The following SNIP1 variants were observed in gnomAD, a reference collection of about 807,000 sequenced individuals.
The protein encoded by SNIP1 is Smad nuclear interacting protein 1, also known as smad nuclear-interacting protein 1.
In SNIP1, 23 loss-of-function variants were observed where a neutral mutation model predicts 37.4. The ratio of observed to expected loss-of-function variants is 0.61; its 90% CI spans 0.44 to 0.87. SNIP1 has a LOEUF of 0.87. Among genes scored for constraint, SNIP1 ranks in the 40% least tolerant of loss-of-function variants. The pLI, the probability that SNIP1 is intolerant of heterozygous loss-of-function variation, is 0.00. For missense variants in SNIP1, 459 were observed against 540.4 expected (o/e 0.85, Z 1.49); for synonymous variants, 174 against 200.0 (o/e 0.87, Z 1.10).
chr1:37,540,114 T>C lies in SNIP1; in HGVS notation c.926+43A>G, dbSNP rs971848466. 2.5e-5 allele frequency: 38 copies of C among 1,490,872 alleles called. No individual in the cohort carries two copies. Among genetic ancestry groups the C allele is most frequent in the Non-Finnish European group, 3.3e-5 (36 of 1,103,366 alleles). The allele number at this position is 1,490,872 out of a possible 1,614,324, so 92.4% of individuals were successfully genotyped here. A position where few individuals can be genotyped will look rare whatever the true frequency, so the allele number is the denominator to read the frequency against. On this transcript the variant is annotated intron_variant, in intron 3 of 3. Coordinates refer to ENST00000296215, the MANE Select transcript of SNIP1 (RefSeq NM_024700.4). The surrounding 1 kb of genome is among the most constrained non-coding windows in gnomAD (Gnocchi z 5.6). ...AATCTTAGTAATCCTAACTGAGTGA[T>C]TGTTTCTGCTCACATTACAGTTTCT...
In SNIP1 at chr1:37,537,353, C is replaced by T. The variant is rs1253311750; in HGVS notation, c.*395G>A. 1.2e-5 allele frequency: 2 copies of T among 168,672 alleles called. No individual in the cohort carries two copies. Among genetic ancestry groups the T allele is most frequent in the Non-Finnish European group, 2.6e-5 (2 of 78,116 alleles). The allele number at this position is 168,672 out of a possible 1,614,324, so 10.4% of individuals were successfully genotyped here. ...AAAGAAAAACACCTGGTCCACAAAG[C>T]TTAACACCTATATAAATAAAGTAAC... is the stretch of plus-strand genomic sequence containing the variant. On this transcript the variant is annotated 3_prime_UTR_variant, in exon 4 of 4. Coordinates refer to ENST00000296215, the MANE Select transcript of SNIP1 (RefSeq NM_024700.4).
chr1:37,539,914 C>A (rs760603617), intron 3 of SNIP1, among the ~76,000 whole-genome samples: 27 of 152,116 alleles, frequency 1.8e-4, no homozygotes, highest in Non-Finnish European at 1.9e-4. Context: ...GTTTGCTCCA[C>A]TGCACTCTAG....
intron 2 of SNIP1, among the ~76,000 whole-genome samples, chr1:37,544,502 A>G (rs1189963742): frequency 6.6e-6 from 1 of 151,914 alleles, no homozygotes; most frequent in Admixed American, 6.5e-5. Flanking sequence ...GTAGATCCCC[A>G]AGGACTTCAT....
rs1570018507 is a variant in SNIP1 at position 37,540,110 on chromosome 1, GTGAT to G, written c.926+43_926+46del. 1 of 1,479,252 alleles carries G rather than the reference GTGAT, an allele frequency of 6.8e-7. No homozygotes were observed. Among genetic ancestry groups the G allele is most frequent in the South Asian group, 1.3e-5 (1 of 75,740 alleles). 91.6% of individuals were successfully genotyped at this position (1,479,252 alleles called of 1,614,324 possible). On this transcript the variant is annotated intron_variant, in intron 3 of 3. Coordinates refer to ENST00000296215, the MANE Select transcript of SNIP1 (RefSeq NM_024700.4). The surrounding 1 kb of genome is among the most constrained non-coding windows in gnomAD (Gnocchi z 5.6). Reference sequence around the variant, plus strand: ...CAAAAATCTTAGTAATCCTAACTGAGTGATTGTTTCTGCTCACATTACAGTTTCT... The same window carrying G: ...CAAAAATCTTAGTAATCCTAACTGAGTGTTTCTGCTCACATTACAGTTTCT...
At chr1:37,552,586 T>C (rs1643313075) in intron 2 of SNIP1, 59 bp downstream of exon 2, 1 of 1,354,716 alleles carries the variant, frequency 7.4e-7, no homozygotes, top group East Asian at 2.3e-5. Flanking sequence ...CATTCCTCTT[T>C]AGCTGTGATA....
At chr1:37,546,602 A>G (rs1020653728) in intron 2 of SNIP1, among the ~76,000 whole-genome samples, 1 of 152,166 alleles carries the variant, frequency 6.6e-6, no homozygotes, top group Non-Finnish European at 1.5e-5. Context: ...TGAACGCCAG[A>G]AGTGGAGGTT....
Position 37,554,032 on chromosome 1 carries a change from G to A in SNIP1, c.198C>T (p.Arg66=), listed in dbSNP as rs766297336. Residue 66 remains arginine (R), a synonymous_variant, in exon 1 of 4, where the codon CGC becomes CGT. Transcript: ENST00000296215. ...GGCTAACTCCTCGGGCTCGGTTCCCGCGGTGGCCCGAGCGGGCCGGCTCGC... is the reference window on the plus strand; with the variant it reads ...GGCTAACTCCTCGGGCTCGGTTCCCACGGTGGCCCGAGCGGGCCGGCTCGC... ...PTSEPARSGH[R]GNRARGVSRS... 19 of 1,577,416 alleles carry A rather than the reference G, an allele frequency of 1.2e-5. No individual in the cohort carries two copies. In the South Asian group the frequency reaches 1.9e-4, roughly 16 times the overall value.
At chr1:37,553,832 T>C (rs1277817668) in intron 1 of SNIP1, among the ~76,000 whole-genome samples, 174 bp downstream of exon 1, 1 of 152,208 alleles carries the variant, frequency 6.6e-6, no homozygotes, top group Non-Finnish European at 1.5e-5. Flanking sequence ...CGAGCTATAA[T>C]GCAAGTGACA....
In SNIP1 at chr1:37,537,503, G is replaced by A; in HGVS notation, c.*245C>T. 1 of 484,716 alleles carries A rather than the reference G, an allele frequency of 2.1e-6. No homozygotes were observed. Among genetic ancestry groups the A allele is most frequent in the East Asian group, 3.3e-5 (1 of 29,988 alleles). 30.0% of individuals were successfully genotyped at this position (484,716 alleles called of 1,614,324 possible). A position where few individuals can be genotyped will look rare whatever the true frequency, so the allele number is the denominator to read the frequency against. ...TAAAACACGGTGTGTTGTAATTGGT[G>A]AGACTGTTCTGAAAACAAATGCCTG... On this transcript the variant is annotated 3_prime_UTR_variant, in exon 4 of 4. Coordinates refer to ENST00000296215, the MANE Select transcript of SNIP1 (RefSeq NM_024700.4).
chr1:37,537,746 T>G lies in SNIP1; in HGVS notation c.*2A>C. 4.3e-6 allele frequency: 7 copies of G among 1,610,712 alleles called. No homozygotes were observed. Among genetic ancestry groups the G allele is most frequent in the Non-Finnish European group, 5.9e-6 (7 of 1,178,396 alleles). On this transcript the variant is annotated 3_prime_UTR_variant, in exon 4 of 4. Transcript: ENST00000296215. ...GTATCAATAGTTTGGGTTCTTAGTT[T>G]GCTAGCTGTCAGACACTTCTTCCTC... is the stretch of plus-strand genomic sequence containing the variant.
chr1:37,546,152 C>T (rs540535025), intron 2 of SNIP1, among the ~76,000 whole-genome samples: 5 of 149,978 alleles, frequency 3.3e-5, no homozygotes, highest in African/African-American at 5.0e-5. Context: ...AAGACCCCCC[C>T]CCCCCCCGCT....
At chr1:37,538,724 C>T (rs1334941814) in intron 3 of SNIP1, among the ~76,000 whole-genome samples, 1 of 152,004 alleles carries the variant, frequency 6.6e-6, no homozygotes, top group Non-Finnish European at 1.5e-5. Flanking sequence ...TGCACTTGGA[C>T]TTCAGAGTCA....
chr1:37,552,445 A>G (rs1468545203), intron 2 of SNIP1, 200 bp downstream of exon 2: 2 of 560,170 alleles, frequency 3.6e-6, no homozygotes, highest in African/African-American at 3.8e-5. Flanking sequence ...ATCTCAAAAT[A>G]AAAAGTTTAA....
chr1:37,539,483 A>T (rs1259799104), intron 3 of SNIP1, among the ~76,000 whole-genome samples: 1 of 152,184 alleles, frequency 6.6e-6, no homozygotes, highest in African/African-American at 2.4e-5. Flanking sequence ...AGGCCAAGGC[A>T]GGCGGATCAC....
intron 3 of SNIP1, among the ~76,000 whole-genome samples, chr1:37,538,959 TAG>T (rs1486576293): frequency 6.6e-6 from 1 of 152,188 alleles, no homozygotes; most frequent in African/African-American, 2.4e-5. Context: ...GCAGTGGCAT[TAG>T]AGTCTCGTAG....
intron 2 of SNIP1, among the ~76,000 whole-genome samples, chr1:37,542,680 C>A (rs1488586806): frequency 2.0e-5 from 3 of 151,984 alleles, no homozygotes; most frequent in Non-Finnish European, 4.4e-5. Flanking sequence ...GCAGAGATTG[C>A]AGTAAGCCAA....
chr1:37,539,473 A>G (rs1326138891), intron 3 of SNIP1, among the ~76,000 whole-genome samples: 1 of 152,214 alleles, frequency 6.6e-6, no homozygotes, highest in Non-Finnish European at 1.5e-5. Flanking sequence ...GCACTTTGGA[A>G]GGCCAAGGCA....
rs1643337039 is a variant in SNIP1 at position 37,554,261 on chromosome 1, A to C, written c.-32T>G. ...ATTTTGGCTGGGCGAAAGAAAACAG[A>C]TCAGTTGAGCTCCTCTAGCTGGAGG... On this transcript the variant is annotated 5_prime_UTR_variant, in exon 1 of 4. Coordinates refer to ENST00000296215, the MANE Select transcript of SNIP1 (RefSeq NM_024700.4). 6.4e-7 allele frequency: 1 copy of C among 1,568,146 alleles called. No homozygotes were observed. The highest frequency in any genetic ancestry group is 1.8e-5 in the Admixed American group (1 of 56,456).
rs1369599238 is a variant in SNIP1, at chr1:37,540,278, C to G, written c.805G>C (p.Val269Leu). ...WRLYPFKNDE[V>L]LPVMYIHRQS... ...CGATGTATGTACATGACTGGAAGCA[C>G]CTCATCATTTTTAAATGGGTAGAGA... Residue 269 changes from valine to leucine, a missense_variant, in exon 3 of 4, where the codon GTG becomes CTG. Physicochemically the swap from Val to Leu is conservative, Grantham distance 32. Transcript: ENST00000296215. The surrounding 1 kb of genome is among the most constrained non-coding windows in gnomAD (Gnocchi z 5.6). 6.2e-7 allele frequency: 1 copy of G among 1,614,072 alleles called. No individual in the cohort carries two copies. Among genetic ancestry groups the G allele is most frequent in the East Asian group, 2.2e-5 (1 of 44,872 alleles).
Sources: gnomAD v4.1 joint callset for allele counts (sites outside exome capture counted in the v4.1 genomes callset) on GRCh38, gnomAD v4.1.1 for gene constraint, Gnocchi (gnomAD v3.1) non-coding constraint, MANE v1.5 for transcripts, NCBI Gene and HGNC (gene_info 2026-07-23, HGNC 2026-07-21) for gene names.